CAMK1D: variants seen among roughly 807,000 people sequenced by gnomAD.
The protein encoded by CAMK1D is calcium/calmodulin dependent protein kinase ID, also known as calcium/calmodulin-dependent protein kinase type 1D.
CAMK1D carries 9 observed loss-of-function variants against 47.7 expected under a neutral mutation model. The ratio of observed to expected loss-of-function variants is 0.19; its 90% CI spans 0.11 to 0.33. The LOEUF (loss-of-function observed/expected upper bound fraction) is 0.33, where lower values mean the gene tolerates loss of function less well. Ranked by LOEUF, CAMK1D falls within the 10% of genes least tolerant of loss-of-function variation. The pLI is 1.00. For synonymous variants in CAMK1D, 184 were observed against 184.9 expected (o/e 0.99, Z 0.04); for missense variants, 291 against 488.7 (o/e 0.60, Z 3.81).
intron 2 of CAMK1D, among the ~76,000 whole-genome samples, chr10:12,617,345 C>G (rs1417916711): frequency 6.6e-6 from 1 of 152,162 alleles, no homozygotes; most frequent in African/African-American, 2.4e-5. Flanking sequence ...AGGAAGAACA[C>G]TCATAACTCC....
rs147705206 is a variant in CAMK1D at position 12,715,647 on chromosome 10, A to T, written c.300-45301A>T. ...TGCTATGTTTTCAAAAGTTAAATAG[A>T]CAAAAGTTAGGGAAGTTGATAACCA... On this transcript the variant is annotated intron_variant, in intron 3 of 10. Coordinates refer to ENST00000619168, the MANE Select transcript of CAMK1D (RefSeq NM_153498.4). Among the ~76,000 whole-genome samples, 259 of 151,558 alleles carry T rather than the reference A, an allele frequency of 1.7e-3. 1 individual carries two copies. The Middle Eastern group carries it at 0.017, about 10-fold the overall frequency.
At chr10:12,459,134 C>T (rs181076417) in intron 1 of CAMK1D, among the ~76,000 whole-genome samples, 3 of 152,302 alleles carry the variant, frequency 2.0e-5, no homozygotes, top group African/African-American at 7.2e-5. Context: ...CTGCCTCGTC[C>T]TCCCAAACTG....
intron 1 of CAMK1D, among the ~76,000 whole-genome samples, chr10:12,486,531 G>GCA (rs3995703): frequency 0.29 from 42,193 of 146,868 alleles, 6,839 homozygotes; most frequent in East Asian, 0.62. Context: ...GTGTGCGCGT[G>GCA]CACACACACA....
intron 2 of CAMK1D, among the ~76,000 whole-genome samples, chr10:12,641,016 TG>T (rs1452256198): frequency 6.6e-6 from 1 of 152,126 alleles, no homozygotes; most frequent in Non-Finnish European, 1.5e-5. Context: ...TGGAGTGCAG[TG>T]GTGTGATCTT....
At position 12,548,271 on chromosome 10, in the gene CAMK1D, C is replaced by T. The variant is rs115219938; in HGVS notation, c.93-4954C>T. Among the ~76,000 whole-genome samples, 1,164 of 152,184 alleles carry T rather than the reference C, an allele frequency of 7.6e-3. 15 individuals carry two copies. Among genetic ancestry groups the T allele is most frequent in the African/African-American group, 0.027 (1,124 of 41,524 alleles). ...ATCAAGTCACTGACACCAGCTGGCA[C>T]CCTACAGTTGATATAATTTTTTTCT... On this transcript the variant is annotated intron_variant, in intron 1 of 10. Coordinates refer to ENST00000619168, the MANE Select transcript of CAMK1D (RefSeq NM_153498.4).
At chr10:12,401,063 A>G (rs1484264196) in intron 1 of CAMK1D, among the ~76,000 whole-genome samples, 1 of 94,016 alleles carries the variant, frequency 1.1e-5, no homozygotes, top group Non-Finnish European at 2.0e-5. Flanking sequence ...TTATATATAT[A>G]TTTTATATAT....
At chr10:12,385,739 CTT>C (rs71384318) in intron 1 of CAMK1D, among the ~76,000 whole-genome samples, 1,687 of 100,504 alleles carry the variant, frequency 0.017, 35 homozygotes, top group African/African-American at 0.059. Flanking sequence ...TTGAATTGTA[CTT>C]TTTTTTTTTT....
intron 2 of CAMK1D, among the ~76,000 whole-genome samples, chr10:12,599,154 C>G (rs1838230455): frequency 6.6e-6 from 1 of 152,136 alleles, no homozygotes; most frequent in Admixed American, 6.5e-5. Flanking sequence ...AACAGTTAGG[C>G]TAACTGAGTA....
chr10:12,649,602 C>T (rs1839904881), intron 2 of CAMK1D, among the ~76,000 whole-genome samples: 2 of 152,146 alleles, frequency 1.3e-5, no homozygotes, highest in Non-Finnish European at 1.5e-5. Context: ...GAAAGAAACC[C>T]CAGATAATGA....
At chr10:12,456,754 G>A (rs967681216) in intron 1 of CAMK1D, 1 of 96,548 alleles carries the variant, frequency 1.0e-5, no homozygotes, top group Non-Finnish European at 1.9e-5. Flanking sequence ...GTGACAGAGT[G>A]AGACTCTGTC....
chr10:12,698,673 A>ATTTTTTTTTTTTTTTTTTTTT (rs573723767), intron 3 of CAMK1D, among the ~76,000 whole-genome samples: 2 of 103,904 alleles, frequency 1.9e-5, no homozygotes, highest in African/African-American at 7.1e-5. Context: ...CCTTTAAAGA[A>ATTTTTTTTTTTTTTTTTTTTT]TTTTTTTTTT....
At chr10:12,560,912 C>A (rs915810330) in intron 2 of CAMK1D, among the ~76,000 whole-genome samples, 3 of 137,434 alleles carry the variant, frequency 2.2e-5, no homozygotes, top group Admixed American at 7.4e-5. Context: ...TGATTTCTTT[C>A]TTTCTTTCTT....
chr10:12,675,030 C>CAAAAAAA (rs771350871), intron 3 of CAMK1D, among the ~76,000 whole-genome samples: 1 of 53,230 alleles, frequency 1.9e-5, no homozygotes, highest in African/African-American at 6.2e-5. Context: ...GACTCCATCT[C>CAAAAAAA]AAAAAAAAAA....
At chr10:12,488,482 C>A (rs1241429573) in intron 1 of CAMK1D, among the ~76,000 whole-genome samples, 1 of 152,050 alleles carries the variant, frequency 6.6e-6, no homozygotes, top group Non-Finnish European at 1.5e-5. Flanking sequence ...TTTTTGGCAC[C>A]AGGGACTGGT....
At chr10:12,666,347 A>G (rs929485454) in intron 2 of CAMK1D, among the ~76,000 whole-genome samples, 1 of 152,140 alleles carries the variant, frequency 6.6e-6, no homozygotes, top group African/African-American at 2.4e-5. Flanking sequence ...AGATTTTCAT[A>G]TAATTAAGTG....
rs1294882990 is a variant in CAMK1D at position 12,731,929 on chromosome 10, A to C, written c.300-29019A>C. The stretch of plus-strand genomic sequence containing the variant: ...AATGGACGATGGGGTAGGGAGGAGG[A>C]CTGAATTGGACTCCATTCAAATACC... On this transcript the variant is annotated intron_variant, in intron 3 of 10. Coordinates refer to ENST00000619168, the MANE Select transcript of CAMK1D (RefSeq NM_153498.4). Among the ~76,000 whole-genome samples the C allele has an allele frequency of 2.0e-5, 3 of 152,104 alleles. No individual in the cohort carries two copies. The South Asian group carries it at 6.2e-4, about 32-fold the overall frequency.
chr10:12,479,267 G>T (rs1158068099), intron 1 of CAMK1D, among the ~76,000 whole-genome samples: 1 of 151,932 alleles, frequency 6.6e-6, no homozygotes, highest in Non-Finnish European at 1.5e-5. Context: ...TGCGATCTTG[G>T]CTCACTGCAA....
chr10:12,439,421 T>C (rs1460671492), intron 1 of CAMK1D, among the ~76,000 whole-genome samples: 2 of 152,176 alleles, frequency 1.3e-5, no homozygotes, highest in African/African-American at 4.8e-5. Flanking sequence ...TCAGGGAGCA[T>C]TATTGCTGTT....
chr10:12,554,533 A>G (rs1836698661), intron 2 of CAMK1D, among the ~76,000 whole-genome samples: 1 of 73,428 alleles, frequency 1.4e-5, no homozygotes, highest in Admixed American at 1.3e-4. Context: ...CACACATAGA[A>G]CCATTCATTT....
Sources: allele counts gnomAD v4.1 joint callset (sites outside exome capture counted in the v4.1 genomes callset), GRCh38; gene constraint gnomAD v4.1.1; transcripts MANE v1.5; gene names NCBI Gene and HGNC (gene_info 2026-07-23, HGNC 2026-07-21).